Variants in ANO4 observed in about 807,000 individuals in gnomAD.
ANO4 encodes the protein anoctamin-4.
In ANO4, 69 loss-of-function variants were observed where a neutral mutation model predicts 141.9. That is an observed-to-expected ratio of 0.49 (90% CI 0.40 to 0.59). The LOEUF is 0.59. Among genes scored for constraint, ANO4 ranks in the 20% least tolerant of loss-of-function variants. The pLI, the probability that ANO4 is intolerant of heterozygous loss-of-function variation, is 0.00. For missense variants in ANO4, 894 were observed against 1,162.2 expected (o/e 0.77, Z 3.36); for synonymous variants, 350 against 394.3 (o/e 0.89, Z 1.33).
At chr12:100,811,109 G>T (rs1171493410) in intron 1 of ANO4, among the ~76,000 whole-genome samples, 1 of 152,136 alleles carries the variant, frequency 6.6e-6, no homozygotes, top group African/African-American at 2.4e-5. Flanking sequence ...ACAAGAAATT[G>T]ACATCCTTTT....
rs187587776 is a variant in ANO4 at position 100,964,651 on chromosome 12, G to A, written c.457-6655G>A. Reference sequence around the variant, plus strand: ...TGGCTAACCTGATTTGATCCTTCACGCTCAGTAAATTGAAACGTCAAGCAT... The same window carrying A: ...TGGCTAACCTGATTTGATCCTTCACACTCAGTAAATTGAAACGTCAAGCAT... On this transcript the variant is annotated intron_variant, in intron 5 of 27. Coordinates refer to ENST00000392977, the MANE Select transcript of ANO4 (RefSeq NM_001286615.2). 1.5e-3 allele frequency among the ~76,000 whole-genome samples: 226 copies of A among 152,168 alleles called. 2 individuals carry two copies. Among genetic ancestry groups the A allele is most frequent in the African/African-American group, 5.2e-3 (217 of 41,504 alleles).
chr12:100,942,368 T>C lies in ANO4; in HGVS notation c.298-9T>C, dbSNP rs774157181. 1.9e-6 allele frequency: 3 copies of C among 1,610,286 alleles called. No homozygotes were observed. The highest frequency in any genetic ancestry group is 2.5e-6 in the Non-Finnish European group (3 of 1,178,866). On this transcript the variant is annotated splice_polypyrimidine_tract_variant and intron_variant, in intron 4 of 27. Coordinates refer to ENST00000392977, the MANE Select transcript of ANO4 (RefSeq NM_001286615.2). ...TGACTTAAACTGGTCCCTTTCTCTTTGTGTGCAGACAGTGCCAGAAAGAAA... is the reference window on the plus strand; with the variant it reads ...TGACTTAAACTGGTCCCTTTCTCTTCGTGTGCAGACAGTGCCAGAAAGAAA...
intron 5 of ANO4, among the ~76,000 whole-genome samples, chr12:100,955,539 C>T (rs566948630): frequency 6.6e-6 from 1 of 152,274 alleles, no homozygotes; most frequent in East Asian, 1.9e-4. Flanking sequence ...GGGGAAGGGA[C>T]ATAGATTCCA....
chr12:100,908,969 A>C (rs1354196798), intron 2 of ANO4, among the ~76,000 whole-genome samples: 1 of 152,178 alleles, frequency 6.6e-6, no homozygotes, highest in Non-Finnish European at 1.5e-5. Context: ...CCCTCCTTGG[A>C]GTATTTTGAA....
At chr12:101,060,512 C>CT (rs2048303200) in intron 14 of ANO4, among the ~76,000 whole-genome samples, 1 of 152,182 alleles carries the variant, frequency 6.6e-6, no homozygotes, top group African/African-American at 2.4e-5. Context: ...GTGTGGGAGT[C>CT]TAAGTCTTTT....
chr12:100,739,940 C>T (rs1200358833), exon 3 of ANO4: 1 of 702,646 alleles, frequency 1.4e-6, no homozygotes, highest in South Asian at 1.5e-5. Context: ...CCCATCAGAT[C>T]TGCCTCTCTT....
intron 9 of ANO4, among the ~76,000 whole-genome samples, chr12:101,032,235 C>CAT (rs2047003150): frequency 6.6e-6 from 1 of 152,122 alleles, no homozygotes; most frequent in South Asian, 2.1e-4. Flanking sequence ...AAAACAGACA[C>CAT]ATAGACCAAT....
chr12:101,041,240 A>T (rs2047400926), intron 11 of ANO4, among the ~76,000 whole-genome samples: 1 of 152,232 alleles, frequency 6.6e-6, no homozygotes, highest in Non-Finnish European at 1.5e-5. Context: ...AATGCACTTT[A>T]TATTTGAGCC....
At chr12:100,800,523 C>T (rs550675230) in intron 1 of ANO4, among the ~76,000 whole-genome samples, 1 of 152,184 alleles carries the variant, frequency 6.6e-6, no homozygotes, top group Admixed American at 6.5e-5. Context: ...TAGAAGGGCA[C>T]CTTTGCTGTC....
intron 14 of ANO4, 48 bp from the exon 15 acceptor site, chr12:101,079,145 G>C (rs1330907677): frequency 6.5e-7 from 1 of 1,532,114 alleles, no homozygotes; most frequent in Admixed American, 1.7e-5. Context: ...TAAGAGCCTT[G>C]TTTTACTTTT....
intron 14 of ANO4, among the ~76,000 whole-genome samples, chr12:101,065,137 A>C (rs993574755): frequency 1.3e-5 from 2 of 152,206 alleles, no homozygotes; most frequent in African/African-American, 4.8e-5. Context: ...AAAGAAGAAA[A>C]GAAAAAATCT....
intron 1 of ANO4, among the ~76,000 whole-genome samples, chr12:100,888,450 G>A (rs1420813117): frequency 2.6e-5 from 4 of 152,368 alleles, no homozygotes; most frequent in Non-Finnish European, 5.9e-5. Context: ...TTGGAGCCGC[G>A]CAAGAGCAGG....
chr12:101,033,434 A>T (rs980715715), intron 9 of ANO4, among the ~76,000 whole-genome samples: 1 of 152,060 alleles, frequency 6.6e-6, no homozygotes, highest in Admixed American at 6.5e-5. Context: ...GACCTGCACA[A>T]TGTGCACATG....
chr12:100,855,424 C>T (rs2038111965), intron 1 of ANO4, among the ~76,000 whole-genome samples: 1 of 152,066 alleles, frequency 6.6e-6, no homozygotes, highest in Admixed American at 6.6e-5. Flanking sequence ...AATCTTTATT[C>T]ATAGGGTGCT....
At position 101,079,285 on chromosome 12, in the gene ANO4, A is replaced by G; in HGVS notation, c.1395+10A>G. 1 of 1,608,910 alleles carries G rather than the reference A, an allele frequency of 6.2e-7. No homozygotes were observed. Among genetic ancestry groups the G allele is most frequent in the South Asian group, 1.1e-5 (1 of 90,912 alleles). On this transcript the variant is annotated intron_variant, in intron 15 of 27. Coordinates refer to ENST00000392977, the MANE Select transcript of ANO4 (RefSeq NM_001286615.2). ...CTGGGAAGAAGAGGAGGTTTGTATC[A>G]TTTACCTCAGAATGTTGTAAAAAGC... is the stretch of plus-strand genomic sequence containing the variant.
intron 14 of ANO4, among the ~76,000 whole-genome samples, chr12:101,061,870 G>A (rs914947526): frequency 6.6e-6 from 1 of 151,912 alleles, no homozygotes; most frequent in Admixed American, 6.6e-5. Flanking sequence ...ACCTTCTGAA[G>A]CCTACTTCTG....
At chr12:101,091,721 A>C (rs906903561) in intron 17 of ANO4, among the ~76,000 whole-genome samples, 1 of 150,900 alleles carries the variant, frequency 6.6e-6, no homozygotes, top group African/African-American at 2.4e-5. Flanking sequence ...TTATCAACTA[A>C]ATATAAAAAC....
intron 1 of ANO4, among the ~76,000 whole-genome samples, chr12:100,895,127 A>C (rs925879689): frequency 5.4e-5 from 8 of 149,006 alleles, no homozygotes; most frequent in Non-Finnish European, 1.2e-4. Context: ...GGAAACTCGA[A>C]ATAAATATTC....
chr12:100,743,822 G>A (rs1344911746), intron 3 of ANO4, among the ~76,000 whole-genome samples: 4 of 152,168 alleles, frequency 2.6e-5, no homozygotes, highest in Non-Finnish European at 5.9e-5. Context: ...CAGGTAGTGA[G>A]CACAGTACCT....
Sources: allele counts gnomAD v4.1 joint callset (sites outside exome capture counted in the v4.1 genomes callset), GRCh38; gene constraint gnomAD v4.1.1; transcripts MANE v1.5; gene names NCBI Gene and HGNC (gene_info 2026-07-23, HGNC 2026-07-21).